Variants in ROBO2 observed in about 807,000 individuals in gnomAD.
ROBO2 encodes roundabout homolog 2.
Under a neutral mutation model 160.8 loss-of-function variants are expected in ROBO2, and 53 were observed. The ratio of observed to expected loss-of-function variants is 0.33; its 90% CI spans 0.26 to 0.41. ROBO2 has a LOEUF of 0.41. Among genes scored for constraint, ROBO2 ranks in the 10% least tolerant of loss-of-function variants. The pLI, the probability that ROBO2 is intolerant of heterozygous loss-of-function variation, is 1.00. For synonymous variants in ROBO2, 664 were observed against 611.7 expected (o/e 1.09, Z -1.26); for missense variants, 1,577 against 1,722.4 (o/e 0.92, Z 1.49).
intron 7 of ROBO2, among the ~76,000 whole-genome samples, chr3:77,548,274 A>G (rs2092781211): frequency 6.6e-6 from 1 of 152,088 alleles, no homozygotes; most frequent in Non-Finnish European, 1.5e-5. Flanking sequence ...AATCTAAAAT[A>G]CAGAGCTAAC....
chr3:77,571,200 G>A (rs929736212), intron 13 of ROBO2, among the ~76,000 whole-genome samples: 1 of 151,962 alleles, frequency 6.6e-6, no homozygotes, highest in Admixed American at 6.6e-5. Flanking sequence ...GCTAAAACCA[G>A]ATCAGACCCT....
intron 2 of ROBO2, among the ~76,000 whole-genome samples, chr3:77,468,024 G>A (rs554369834): frequency 3.3e-5 from 5 of 152,304 alleles, no homozygotes; most frequent in African/African-American, 1.2e-4. Flanking sequence ...CACATGCTAT[G>A]TTTGGACACA....
intron 2 of ROBO2, among the ~76,000 whole-genome samples, chr3:76,983,295 A>G (rs891133550): frequency 6.6e-6 from 1 of 152,180 alleles, no homozygotes; most frequent in Non-Finnish European, 1.5e-5. Flanking sequence ...TCAAAAAAAA[A>G]ATTATAAAGT....
chr3:76,894,947 T>C (rs1395493100), intron 2 of ROBO2, among the ~76,000 whole-genome samples: 1 of 152,168 alleles, frequency 6.6e-6, no homozygotes, highest in Non-Finnish European at 1.5e-5. Context: ...GTTTGGTTTT[T>C]TTCCTTTCAG....
intron 2 of ROBO2, among the ~76,000 whole-genome samples, chr3:76,183,847 G>T (rs954584468): frequency 6.6e-6 from 1 of 152,136 alleles, no homozygotes; most frequent in African/African-American, 2.4e-5. Context: ...AATAAATAAA[G>T]ATATTCAATT....
At chr3:76,019,416 A>G (rs1358102055) in intron 2 of ROBO2, among the ~76,000 whole-genome samples, 1 of 150,550 alleles carries the variant, frequency 6.6e-6, no homozygotes, top group Non-Finnish European at 1.5e-5. Flanking sequence ...ATTGTCTAAT[A>G]TTTGCATTAT....
intron 2 of ROBO2, among the ~76,000 whole-genome samples, chr3:76,217,866 G>T (rs1471041283): frequency 6.6e-6 from 1 of 152,118 alleles, no homozygotes; most frequent in African/African-American, 2.4e-5. Flanking sequence ...CAAAAAAAGA[G>T]AATTTTAAAC....
intron 2 of ROBO2, among the ~76,000 whole-genome samples, chr3:76,159,952 C>G (rs554308915): frequency 6.6e-6 from 1 of 152,100 alleles, no homozygotes; most frequent in African/African-American, 2.4e-5. Context: ...CATCAAAACT[C>G]TTACAAAATT....
At chr3:76,130,011 G>C (rs1357536991) in intron 2 of ROBO2, among the ~76,000 whole-genome samples, 2 of 152,020 alleles carry the variant, frequency 1.3e-5, no homozygotes, top group Non-Finnish European at 2.9e-5. Context: ...TCAACTGCTC[G>C]TCATTGGGGA....
At chr3:76,346,081 A>G (rs901550238) in intron 2 of ROBO2, among the ~76,000 whole-genome samples, 1 of 152,094 alleles carries the variant, frequency 6.6e-6, no homozygotes, top group African/African-American at 2.4e-5. Flanking sequence ...ACAAAAGGGA[A>G]AGCACTAAAG....
At chr3:77,137,772 C>T (rs955169154) in intron 2 of ROBO2, among the ~76,000 whole-genome samples, 2 of 152,162 alleles carry the variant, frequency 1.3e-5, no homozygotes, top group African/African-American at 2.4e-5. Flanking sequence ...AGTGAGGAAA[C>T]GCAAGGCAGG....
At chr3:77,091,424 A>G (rs2070236672) in intron 1 of ROBO2, among the ~76,000 whole-genome samples, 1 of 152,180 alleles carries the variant, frequency 6.6e-6, no homozygotes, top group African/African-American at 2.4e-5. Context: ...ACGTTGTAAA[A>G]TATCAAATAT....
At chr3:76,651,424 T>C (rs1011789033) in intron 2 of ROBO2, among the ~76,000 whole-genome samples, 1 of 152,162 alleles carries the variant, frequency 6.6e-6, no homozygotes, top group East Asian at 1.9e-4. Flanking sequence ...CTCTGTCTTA[T>C]ATGTTTTTGT....
At chr3:77,372,538 C>T (rs921823648) in intron 2 of ROBO2, among the ~76,000 whole-genome samples, 1 of 152,104 alleles carries the variant, frequency 6.6e-6, no homozygotes, top group Non-Finnish European at 1.5e-5. Flanking sequence ...AAAACATAAC[C>T]ATCAGTAGTA....
At chr3:77,500,939 G>A (rs1376916079) in intron 5 of ROBO2, among the ~76,000 whole-genome samples, 1 of 152,160 alleles carries the variant, frequency 6.6e-6, no homozygotes, top group African/African-American at 2.4e-5. Flanking sequence ...GAAATGCCTT[G>A]AAGTCAGAGA....
rs180741530 is a variant in ROBO2 at position 76,734,171 on chromosome 3, C to T, written c.110-363843C>T. 7.9e-5 allele frequency among the ~76,000 whole-genome samples: 12 copies of T among 152,152 alleles called. No homozygotes were observed. The East Asian group carries it at 2.3e-3, about 29-fold the overall frequency. On this transcript the variant is annotated intron_variant, in intron 2 of 26. Coordinates refer to the ROBO2 transcript ENST00000487694. ...GGACAAAAACGTCTAGCCCATAATA[C>T]CCACATTTTAGAATCTTTAGAATTC... is the stretch of plus-strand genomic sequence containing the variant.
At chr3:76,719,019 T>C (rs556097418) in intron 2 of ROBO2, among the ~76,000 whole-genome samples, 52 of 152,294 alleles carry the variant, frequency 3.4e-4, no homozygotes, top group African/African-American at 1.2e-3. Context: ...ATCATTCCTT[T>C]AACTTTTTTT....
chr3:77,428,766 A>G (rs1240926836), intron 2 of ROBO2, among the ~76,000 whole-genome samples: 1 of 152,200 alleles, frequency 6.6e-6, no homozygotes, highest in Non-Finnish European at 1.5e-5. Context: ...GTTGTATAAT[A>G]AGAAATACTT....
intron 2 of ROBO2, among the ~76,000 whole-genome samples, chr3:77,379,826 C>T (rs879203446): frequency 6.6e-6 from 1 of 152,142 alleles, no homozygotes; most frequent in Non-Finnish European, 1.5e-5. Context: ...GGTGCTCCCA[C>T]TCATCTTCTA....
Sources: allele counts gnomAD v4.1 joint callset (sites outside exome capture counted in the v4.1 genomes callset), GRCh38; gene constraint gnomAD v4.1.1; transcripts MANE v1.5; gene names NCBI Gene and HGNC (gene_info 2026-07-23, HGNC 2026-07-21).